ADGRF1: variants seen among roughly 807,000 people sequenced by gnomAD.
ADGRF1 encodes G protein-coupled receptor 110.
ADGRF1 carries 85 observed loss-of-function variants against 87.2 expected under a neutral mutation model. The ratio of observed to expected loss-of-function variants is 0.97; its 90% CI spans 0.82 to 1.17. The LOEUF (loss-of-function observed/expected upper bound fraction) is 1.17, where lower values mean the gene tolerates loss of function less well. Ranked by LOEUF, ADGRF1 falls within the 50% of genes most tolerant of loss-of-function variation. ADGRF1 has a pLI of 0.00. For missense variants in ADGRF1, 1,169 were observed against 1,077.2 expected (o/e 1.09, Z -1.19); for synonymous variants, 430 against 408.8 (o/e 1.05, Z -0.63).
chr6:47,038,130 G>A (rs1249475281), intron 1 of ADGRF1, among the ~76,000 whole-genome samples: 1 of 152,188 alleles, frequency 6.6e-6, no homozygotes, highest in Non-Finnish European at 1.5e-5. Flanking sequence ...AGAAGTGCTG[G>A]GATTACAGGC....
intron 3 of ADGRF1, 73 bp downstream of exon 3, chr6:47,027,631 G>T: frequency 1.1e-6 from 1 of 927,262 alleles, no homozygotes; most frequent in Non-Finnish European, 1.8e-6. Flanking sequence ...CCAGTCAGGG[G>T]CACCGCTGGG....
intron 7 of ADGRF1, chr6:47,018,523 C>T: frequency 7.8e-7 from 1 of 1,289,654 alleles, no homozygotes; most frequent in Non-Finnish European, 1.0e-6. Flanking sequence ...GAGTATTTTC[C>T]TGCTTGTTAT....
chr6:47,014,990 T>G (rs1376266526), intron 8 of ADGRF1, 146 bp from the exon 9 acceptor site: 1 of 1,182,392 alleles, frequency 8.5e-7, no homozygotes, highest in Non-Finnish European at 1.1e-6. Context: ...AAGTTTGTCT[T>G]TGATGTCCTG....
At chr6:47,007,709 C>G (rs1371915601) in intron 11 of ADGRF1, among the ~76,000 whole-genome samples, 1 of 152,176 alleles carries the variant, frequency 6.6e-6, no homozygotes, top group Non-Finnish European at 1.5e-5. Flanking sequence ...GGGATTTGAC[C>G]TATATCAGCA....
Position 47,037,208 on chromosome 6 carries a change from T to G in ADGRF1, c.-44+4983A>C, listed in dbSNP as rs1165294899. Among the ~76,000 whole-genome samples, 18 of 152,306 alleles carry G rather than the reference T, an allele frequency of 1.2e-4. No homozygotes were observed. In the East Asian group the frequency reaches 3.1e-3, roughly 26 times the overall value. ...TTTTGCCTTATTGTTTTAATTTTCC[T>G]GTGTTTGACTATCAGTAAGTTTAAG... On this transcript the variant is annotated intron_variant, in intron 1 of 14. Coordinates refer to ENST00000371253, the MANE Select transcript of ADGRF1 (RefSeq NM_153840.4).
At position 47,014,993 on chromosome 6, in the gene ADGRF1, A is replaced by G. The variant is rs2113886968; in HGVS notation, c.764-149T>C. 3.5e-6 allele frequency: 4 copies of G among 1,159,030 alleles called. No homozygotes were observed. The East Asian group carries it at 8.1e-5, about 24-fold the overall frequency. The allele number at this position is 1,159,030 out of a possible 1,614,324, so 71.8% of individuals were successfully genotyped here. A position where few individuals can be genotyped will look rare whatever the true frequency, so the allele number is the denominator to read the frequency against. On this transcript the variant is annotated intron_variant, in intron 8 of 14. Coordinates refer to ENST00000371253, the MANE Select transcript of ADGRF1 (RefSeq NM_153840.4). ...CAGAAGTAAGAGAAGTTTGTCTTTGATGTCCTGCTTCATCCCTCTCAACAT... is the reference window on the plus strand; with the variant it reads ...CAGAAGTAAGAGAAGTTTGTCTTTGGTGTCCTGCTTCATCCCTCTCAACAT...
intron 1 of ADGRF1, among the ~76,000 whole-genome samples, chr6:47,033,587 C>A (rs1780499646): frequency 6.6e-6 from 1 of 152,260 alleles, no homozygotes; most frequent in African/African-American, 2.4e-5. Context: ...TCCTGTCCGT[C>A]TTGGCCTCAC....
chr6:47,007,495 T>A (rs576284584), intron 11 of ADGRF1, among the ~76,000 whole-genome samples: 3 of 152,252 alleles, frequency 2.0e-5, no homozygotes, highest in East Asian at 3.9e-4. Context: ...CTCAAAAAAA[T>A]GTTTTGTTGA....
intron 1 of ADGRF1, among the ~76,000 whole-genome samples, chr6:47,030,595 T>TGTGTGTGTGG (rs1780384710): frequency 6.6e-6 from 1 of 151,594 alleles, no homozygotes; most frequent in Admixed American, 6.6e-5. Context: ...TGTGTGTGTG[T>TGTGTGTGTGG]GTGTGTGTGT....
rs1779262844 is a variant in ADGRF1, at chr6:46,998,151, T to G, written c.*2071A>C. 6.6e-6 allele frequency: 1 copy of G among 151,986 alleles called. No individual in the cohort carries two copies. The highest frequency in any genetic ancestry group is 1.5e-5 in the Non-Finnish European group (1 of 67,986). The allele number at this position is 151,986 out of a possible 1,614,324, so 9.4% of individuals were successfully genotyped here. The stretch of plus-strand genomic sequence containing the variant: ...GTTTCTGGCCTCCCTTTCCCCAAGG[T>G]CCCCAAAAAAAGAAATCTGTCTTAT... On this transcript the variant is annotated 3_prime_UTR_variant, in exon 15 of 15. Coordinates refer to ENST00000371253, the MANE Select transcript of ADGRF1 (RefSeq NM_153840.4).
chr6:47,013,747 G>C, intron 9 of ADGRF1: 1 of 690,864 alleles, frequency 1.4e-6, no homozygotes, highest in Non-Finnish European at 1.8e-6. Context: ...GGTGGGAGAT[G>C]ATTGGATCAT....
chr6:47,009,987 G>T lies in ADGRF1; in HGVS notation c.1448C>A (p.Ala483Asp). The change falls in exon 11 of 15, where the codon GCC becomes GAC. Residue 483 changes from alanine (A) to aspartate (D), a missense_variant. Coordinates refer to ENST00000371253, the MANE Select transcript of ADGRF1 (RefSeq NM_153840.4). The stretch of plus-strand genomic sequence containing the variant: ...TAGAATGTTCCCCAGAGTCAACGAG[G>T]CCATGCTGATAATAGTTTCTGGAAG... ...RSLPETIISM[A>D]SLTLGNILPV... 3.1e-6 allele frequency: 5 copies of T among 1,614,140 alleles called. No homozygotes were observed. The highest frequency in any genetic ancestry group is 1.1e-5 in the South Asian group (1 of 91,070).
At chr6:47,034,240 C>A (rs1456695115) in intron 1 of ADGRF1, among the ~76,000 whole-genome samples, 3 of 152,182 alleles carry the variant, frequency 2.0e-5, no homozygotes, top group Non-Finnish European at 4.4e-5. Context: ...CATGCCCATT[C>A]CCCACATTCT....
chr6:47,033,390 T>C (rs192590825), intron 1 of ADGRF1, among the ~76,000 whole-genome samples: 20 of 152,264 alleles, frequency 1.3e-4, no homozygotes, highest in Non-Finnish European at 2.4e-4. Flanking sequence ...ATCATTTATT[T>C]ATGCCAACAG....
At chr6:47,020,365 A>T in intron 7 of ADGRF1, 3 of 795,200 alleles carry the variant, frequency 3.8e-6, no homozygotes, top group Non-Finnish European at 5.6e-6. Flanking sequence ...ATGTGGTGGC[A>T]GGTGTCTGTA....
intron 3 of ADGRF1, among the ~76,000 whole-genome samples, chr6:47,026,395 C>CT (rs1780235485): frequency 1.3e-5 from 2 of 152,100 alleles, no homozygotes; most frequent in South Asian, 2.1e-4. Context: ...CTCTGATCTC[C>CT]TTGAAGTATC....
chr6:47,016,527 A>G lies in ADGRF1; in HGVS notation c.763+90T>C, dbSNP rs1210335369. The stretch of plus-strand genomic sequence containing the variant: ...CAGTTAGAGAACAATTCGTTATTCA[A>G]ACGTCTCAAATCTACTTCCTGAGGA... On this transcript the variant is annotated intron_variant, in intron 8 of 14. Transcript: ENST00000371253. 15 of 1,360,904 alleles carry G rather than the reference A, an allele frequency of 1.1e-5. No homozygotes were observed. The Admixed American group carries it at 3.8e-4, about 35-fold the overall frequency. 84.3% of individuals were successfully genotyped at this position (1,360,904 alleles called of 1,614,324 possible). A position where few individuals can be genotyped will look rare whatever the true frequency, so the allele number is the denominator to read the frequency against.
At chr6:47,024,682 T>C (rs1338596040) in intron 4 of ADGRF1, among the ~76,000 whole-genome samples, 1 of 152,214 alleles carries the variant, frequency 6.6e-6, no homozygotes, top group Admixed American at 6.5e-5. Context: ...GGTGCAAAAG[T>C]AATAGCAATT....
At chr6:47,027,296 A>G (rs1321078968) in intron 3 of ADGRF1, among the ~76,000 whole-genome samples, 2 of 152,218 alleles carry the variant, frequency 1.3e-5, no homozygotes, top group African/African-American at 2.4e-5. Flanking sequence ...TATAAAAGCT[A>G]TTGTAGACTG....
Sources: allele counts gnomAD v4.1 joint callset (sites outside exome capture counted in the v4.1 genomes callset), GRCh38; gene constraint gnomAD v4.1.1; transcripts MANE v1.5; gene names NCBI Gene and HGNC (gene_info 2026-07-23, HGNC 2026-07-21).